PCDH12: variants seen among roughly 807,000 people sequenced by gnomAD.
PCDH12 encodes protocadherin-12.
A neutral mutation model predicts 70.9 loss-of-function variants in PCDH12; 45 were observed. The observed-to-expected ratio is 0.63, with a 90% CI of 0.50 to 0.81. The LOEUF is 0.81. Ranked by LOEUF, PCDH12 falls within the 40% of genes least tolerant of loss-of-function variation. The pLI is 0.00. For missense variants in PCDH12, 1,370 were observed against 1,491.7 expected (o/e 0.92, Z 1.34); for synonymous variants, 567 against 626.0 (o/e 0.91, Z 1.41).
chr5:141,954,476 C>G (rs915353858), intron 1 of PCDH12, among the ~76,000 whole-genome samples: 2 of 152,224 alleles, frequency 1.3e-5, no homozygotes, highest in Non-Finnish European at 2.9e-5. Flanking sequence ...AGCATTCACT[C>G]ATTTTATTTT....
In PCDH12 at chr5:141,957,982, C is replaced by T; in HGVS notation, c.-131G>A. 9.7e-7 allele frequency: 1 copy of T among 1,036,230 alleles called. No individual in the cohort carries two copies. The highest frequency in any genetic ancestry group is 1.4e-6 in the Non-Finnish European group (1 of 724,742). The allele number at this position is 1,036,230 out of a possible 1,614,324, so 64.2% of individuals were successfully genotyped here. On this transcript the variant is annotated 5_prime_UTR_variant, in exon 1 of 4. Transcript: ENST00000231484. The surrounding 1 kb of genome is among the most constrained non-coding windows in gnomAD (Gnocchi z 4.3). ...CCCAGAGCTGCCGGCACAACCTTGT[C>T]CCATAGTTAGATGATTATGAAACAA...
intron 2 of PCDH12, among the ~76,000 whole-genome samples, chr5:141,950,418 C>G (rs903082687): frequency 6.6e-6 from 1 of 152,182 alleles, no homozygotes; most frequent in African/African-American, 2.4e-5. Context: ...GTGATAATGA[C>G]AACTAATGTT....
Position 141,956,258 on chromosome 5 carries a change from C to G in PCDH12, c.1594G>C (p.Glu532Gln), listed in dbSNP as rs1324050789. The G allele has an allele frequency of 3.7e-6, 6 of 1,614,234 alleles. No homozygotes were observed. The African/African-American group carries it at 5.3e-5, about 14-fold the overall frequency. The change falls in exon 1 of 4, where the codon GAG (glutamate) becomes CAG (glutamine). Residue 532 changes from glutamate to glutamine, a missense_variant. Transcript: ENST00000231484. ...CTGTCCTCTGCGATCACCTGGAACTCAAAGCCGGCCATCTCTTCATAGTTC... is the reference window on the plus strand; with the variant it reads ...CTGTCCTCTGCGATCACCTGGAACTGAAAGCCGGCCATCTCTTCATAGTTC... Reference protein sequence around the residue: ...SLNYEEMAGFEFQVIAEDSGQ... With the variant: ...SLNYEEMAGFQFQVIAEDSGQ...
rs748043680 is a variant in PCDH12, at chr5:141,957,051, G to T, written c.801C>A (p.Thr267=). The T allele has an allele frequency of 6.2e-7, 1 of 1,614,132 alleles. No individual in the cohort carries two copies. The highest frequency in any genetic ancestry group is 1.1e-5 in the South Asian group (1 of 91,090). Residue 267 remains threonine (T), a synonymous_variant, in exon 1 of 4, where the codon ACC becomes ACA. Transcript: ENST00000231484. This position sits in a 1 kb window ranked among gnomAD's most constrained non-coding sequence, Gnocchi z 4.3. Reference sequence around the variant, plus strand: ...TGGGGCCTTGGTCAGGGTCTGTGGCGGTCAGTTTTATGAGAAGCGTACCAG... The same window carrying T: ...TGGGGCCTTGGTCAGGGTCTGTGGCTGTCAGTTTTATGAGAAGCGTACCAG... ...AAPGTLLIKL[T]ATDPDQGPNG...
rs141223586 is a variant in PCDH12, at chr5:141,958,123, A to G, written c.-272T>C. ...GGAACTAGTTGGTCCACTTCAGCAA[A>G]TGATGGACAAGAGCTGGTCTAAGAG... On this transcript the variant is annotated 5_prime_UTR_variant, in exon 1 of 4. Coordinates refer to ENST00000231484, the MANE Select transcript of PCDH12 (RefSeq NM_016580.4). 4.6e-4 allele frequency: 218 copies of G among 469,716 alleles called. No individual in the cohort carries two copies. Among genetic ancestry groups the G allele is most frequent in the African/African-American group, 3.9e-3 (204 of 51,764 alleles). The allele number at this position is 469,716 out of a possible 1,614,324, so 29.1% of individuals were successfully genotyped here. A position where few individuals can be genotyped will look rare whatever the true frequency, so the allele number is the denominator to read the frequency against.
At chr5:141,945,895 G>A in intron 3 of PCDH12, 90 bp from the exon 4 acceptor site, 1 of 1,162,638 alleles carries the variant, frequency 8.6e-7, no homozygotes. Context: ...CAAGGGCAGT[G>A]GACAAAGGAG....
chr5:141,955,452 C>T lies in PCDH12; in HGVS notation c.2400G>A (p.Lys800=), dbSNP rs747027342. 1.2e-6 allele frequency: 2 copies of T among 1,614,076 alleles called. No individual in the cohort carries two copies. Among genetic ancestry groups the T allele is most frequent in the African/African-American group, 1.3e-5 (1 of 75,060 alleles). ...CCCAGCCTGCTTCCATCATCGCCTC[C>T]TTGTCCACATCTTTGTGGGACTGCC... The part of the protein sequence containing the change: ...EVGQSHKDVD[K]EAMMEAGWDP... The change falls in exon 1 of 4, where the codon AAG becomes AAA. Residue 800 remains lysine, a synonymous_variant. Coordinates refer to ENST00000231484, the MANE Select transcript of PCDH12 (RefSeq NM_016580.4). The surrounding 1 kb of genome is among the most constrained non-coding windows in gnomAD (Gnocchi z 5.5).
rs1225463599 is a variant in PCDH12, at chr5:141,951,375, C to T, written c.2978+118G>A. 17 of 747,782 alleles carry T rather than the reference C, an allele frequency of 2.3e-5. 1 individual carries two copies. The highest frequency in any genetic ancestry group is 3.8e-4 in the Middle Eastern group (1 of 2,616). 46.3% of individuals were successfully genotyped at this position (747,782 alleles called of 1,614,324 possible). A position where few individuals can be genotyped will look rare whatever the true frequency, so the allele number is the denominator to read the frequency against. On this transcript the variant is annotated intron_variant, in intron 2 of 3. Coordinates refer to ENST00000231484, the MANE Select transcript of PCDH12 (RefSeq NM_016580.4). Reference sequence around the variant, plus strand: ...GGGAGGATGGATGCTGTCTGCTGCACCCTCCCAGGGGACCGGTGTCTGACT... The same window carrying T: ...GGGAGGATGGATGCTGTCTGCTGCATCCTCCCAGGGGACCGGTGTCTGACT...
At chr5:141,953,601 C>T (rs1263826072) in intron 1 of PCDH12, among the ~76,000 whole-genome samples, 1 of 152,252 alleles carries the variant, frequency 6.6e-6, no homozygotes, top group Non-Finnish European at 1.5e-5. Flanking sequence ...GGGCACCTTT[C>T]TTTCTGTCAC....
chr5:141,954,090 T>G (rs533362035), intron 1 of PCDH12, among the ~76,000 whole-genome samples: 3 of 148,768 alleles, frequency 2.0e-5, no homozygotes, highest in Non-Finnish European at 3.0e-5. Context: ...ACAGGGTAAG[T>G]TTGGTCTCAT....
chr5:141,957,928 G>A lies in PCDH12; in HGVS notation c.-77C>T, dbSNP rs1753215212. The A allele has an allele frequency of 6.6e-7, 1 of 1,514,796 alleles. No individual in the cohort carries two copies. The highest frequency in any genetic ancestry group is 8.9e-7 in the Non-Finnish European group (1 of 1,129,738). 93.8% of individuals were successfully genotyped at this position (1,514,796 alleles called of 1,614,324 possible). On this transcript the variant is annotated 5_prime_UTR_variant, in exon 1 of 4. Coordinates refer to ENST00000231484, the MANE Select transcript of PCDH12 (RefSeq NM_016580.4). This position sits in a 1 kb window ranked among gnomAD's most constrained non-coding sequence, Gnocchi z 4.3. Reference sequence around the variant, plus strand: ...TGGACAAGTCCTCCAGTGTTTCCTGGATGGCTTGATCAGCCCCGTGCTCCT... The same window carrying A: ...TGGACAAGTCCTCCAGTGTTTCCTGAATGGCTTGATCAGCCCCGTGCTCCT...
chr5:141,952,727 G>C (rs1278140215), intron 1 of PCDH12: 1 of 152,166 alleles, frequency 6.6e-6, no homozygotes. Context: ...TCTCTAATAG[G>C]GGGCTAGAAA....
intron 3 of PCDH12, 116 bp downstream of exon 3, chr5:141,949,316 T>A (rs1001366031): frequency 5.4e-6 from 8 of 1,491,506 alleles, no homozygotes; most frequent in African/African-American, 1.4e-5. Flanking sequence ...TAAATGTTGC[T>A]GATGTTCCTC....
At chr5:141,951,708 G>C in intron 1 of PCDH12, 118 bp from the exon 2 acceptor site, 1 of 775,764 alleles carries the variant, frequency 1.3e-6, no homozygotes, top group Non-Finnish European at 2.2e-6. Context: ...GGCTTCAGAT[G>C]TTTGTGTGAT....
At chr5:141,953,963 G>A (rs1753132419) in intron 1 of PCDH12, among the ~76,000 whole-genome samples, 1 of 152,252 alleles carries the variant, frequency 6.6e-6, no homozygotes, top group Non-Finnish European at 1.5e-5. Flanking sequence ...AGATATGGGT[G>A]TGAGATCAGG....
Position 141,957,333 on chromosome 5 carries a change from A to C in PCDH12, c.519T>G (p.Thr173=). 6.2e-7 allele frequency: 1 copy of C among 1,613,510 alleles called. No homozygotes were observed. Among genetic ancestry groups the C allele is most frequent in the Non-Finnish European group, 8.5e-7 (1 of 1,179,694 alleles). ...DTGPNTLHTY[T]LSPSEHFALD... ...AGGCAAAGTGCTCACTGGGAGACAGAGTGTAGGTGTGCAGGGTGTTAGGGC... is the reference window on the plus strand; with the variant it reads ...AGGCAAAGTGCTCACTGGGAGACAGCGTGTAGGTGTGCAGGGTGTTAGGGC... The change falls in exon 1 of 4, where the codon ACT becomes ACG. Residue 173 remains threonine, a synonymous_variant. Transcript: ENST00000231484. This position sits in a 1 kb window ranked among gnomAD's most constrained non-coding sequence, Gnocchi z 4.3.
intron 3 of PCDH12, among the ~76,000 whole-genome samples, chr5:141,949,180 T>C (rs108043): frequency 0.5 from 76,429 of 151,550 alleles, 20,191 homozygotes; most frequent in East Asian, 0.82. Flanking sequence ...GCTGTGATCA[T>C]GCTGTGATCA....
Position 141,948,086 on chromosome 5 carries a change from C to T in PCDH12, c.3130+1346G>A, listed in dbSNP as rs369466341. On this transcript the variant is annotated intron_variant, in intron 3 of 3. Coordinates refer to ENST00000231484, the MANE Select transcript of PCDH12 (RefSeq NM_016580.4). ...CACTTAAATTTAAATAGCCACTTGT[C>T]GCTAGTGACTACCTCATTGAACAAC... Among the ~76,000 whole-genome samples, 17 of 152,268 alleles carry T rather than the reference C, an allele frequency of 1.1e-4. No homozygotes were observed. The East Asian group carries it at 1.5e-3, about 14-fold the overall frequency.
In PCDH12 at chr5:141,958,081, G is replaced by A. The variant is rs888195812; in HGVS notation, c.-230C>T. The A allele has an allele frequency of 1.2e-5, 7 of 560,766 alleles. No individual in the cohort carries two copies. Among genetic ancestry groups the A allele is most frequent in the Non-Finnish European group, 1.6e-5 (5 of 320,682 alleles). 34.7% of individuals were successfully genotyped at this position (560,766 alleles called of 1,614,324 possible). On this transcript the variant is annotated 5_prime_UTR_variant, in exon 1 of 4. Transcript: ENST00000231484. ...CCAAACGCCGATCAAGAATTGCCAG[G>A]GGAGACCCCCTACTGGGGAACTAGT...
Sources: allele counts gnomAD v4.1 joint callset (sites outside exome capture counted in the v4.1 genomes callset), GRCh38; gene constraint gnomAD v4.1.1; non-coding constraint Gnocchi (gnomAD v3.1); transcripts MANE v1.5; gene names NCBI Gene and HGNC (gene_info 2026-07-23, HGNC 2026-07-21).